The following NHSL1 variants were observed in gnomAD, a reference collection of about 807,000 sequenced individuals.
NHSL1 encodes NHS-like protein 1.
Under a neutral mutation model 95.0 loss-of-function variants are expected in NHSL1, and 48 were observed. That is an observed-to-expected ratio of 0.51 (90% confidence interval 0.40 to 0.64). The LOEUF is 0.64. Among genes scored for constraint, NHSL1 ranks in the 30% least tolerant of loss-of-function variants. The pLI, the probability that NHSL1 is intolerant of heterozygous loss-of-function variation, is 0.00. For synonymous variants in NHSL1, 783 were observed against 833.9 expected, an observed-to-expected ratio of 0.94 and a Z score of 1.05; for missense variants, 1,971 against 2,077.7, an observed-to-expected ratio of 0.95 and a Z score of 1.00.
At chr6:138,512,457 C>A in intron 1 of NHSL1, 1 of 334,066 alleles carries the variant, frequency 3.0e-6, no homozygotes, top group Non-Finnish European at 5.9e-6. Flanking sequence ...TTCGTTAATA[C>A]AATTCTAACT....
rs1780552398 is a variant in NHSL1 at position 138,499,396 on chromosome 6, T to C, written c.-106A>G. 4.7e-6 allele frequency: 7 copies of C among 1,498,060 alleles called. No homozygotes were observed. In the South Asian group the frequency reaches 8.9e-5, roughly 19 times the overall value. The allele number at this position is 1,498,060 out of a possible 1,614,324, so 92.8% of individuals were successfully genotyped here. ...TTCTGCTACAGATTCTAACTTTTTC[T>C]TCCCCCGGTCTCATATCCTTAGACA... On this transcript the variant is annotated 5_prime_UTR_variant, in exon 1 of 8. Transcript: ENST00000343505.
intron 1 of NHSL1, among the ~76,000 whole-genome samples, chr6:138,683,935 G>C (rs1470210894): frequency 6.6e-6 from 1 of 152,222 alleles, no homozygotes; most frequent in Non-Finnish European, 1.5e-5. Flanking sequence ...AAAGCACTGG[G>C]CACAGTGGCT....
rs1784065069 is a variant in NHSL1, at chr6:138,581,924, G to A, written c.97-85553C>T. Among the ~76,000 whole-genome samples the A allele has an allele frequency of 2.8e-5, 4 of 141,120 alleles. No individual in the cohort carries two copies. The Admixed American group carries it at 2.9e-4, about 10-fold the overall frequency. 92.6% of individuals were successfully genotyped at this position (141,120 alleles called of 152,430 possible). A position where few individuals can be genotyped will look rare whatever the true frequency, so the allele number is the denominator to read the frequency against. ...TTTTTTTTTTTTTTTTTGAGTCAGA[G>A]TCTTGCTCTGTTGCTTAGGCTGGAG... On this transcript the variant is annotated intron_variant, in intron 1 of 3. Transcript: ENST00000491526.
intron 1 of NHSL1, among the ~76,000 whole-genome samples, chr6:138,663,668 G>A (rs545724577): frequency 4.6e-5 from 7 of 151,858 alleles, no homozygotes; most frequent in East Asian, 1.9e-4. Context: ...TCAGGAGTTC[G>A]AGACCAGCCT....
intron 1 of NHSL1, among the ~76,000 whole-genome samples, chr6:138,679,355 C>G (rs1785484745): frequency 6.6e-6 from 1 of 152,100 alleles, no homozygotes; most frequent in Non-Finnish European, 1.5e-5. Flanking sequence ...GCATGCTGCT[C>G]AAGTAAAGAA....
In NHSL1 at chr6:138,623,283, G is replaced by A. The variant is rs186479350; in HGVS notation, c.96+69193C>T. 1.9e-4 allele frequency among the ~76,000 whole-genome samples: 29 copies of A among 152,312 alleles called. No individual in the cohort carries two copies. In the East Asian group the frequency reaches 5.6e-3, roughly 29 times the overall value. Reference sequence around the variant, plus strand: ...AGGGAGCTCTGCTCAGAAACTGAGAGGCAGGCAGGTAAATGACTGAAGGAG... The same window carrying A: ...AGGGAGCTCTGCTCAGAAACTGAGAAGCAGGCAGGTAAATGACTGAAGGAG... On this transcript the variant is annotated intron_variant, in intron 1 of 3. Transcript: ENST00000491526.
At chr6:138,496,093 T>C (rs952785299) in intron 2 of NHSL1, 126 bp downstream of exon 2, 9 of 1,032,902 alleles carry the variant, frequency 8.7e-6, no homozygotes, top group Non-Finnish European at 1.3e-5. Flanking sequence ...ATTTATGATA[T>C]CGTATAAAGA....
chr6:138,663,516 C>T (rs532799601), intron 1 of NHSL1, among the ~76,000 whole-genome samples: 5 of 147,184 alleles, frequency 3.4e-5, no homozygotes, highest in African/African-American at 7.6e-5. Context: ...ACCGCAATCA[C>T]GCCACTGCAG....
intron 4 of NHSL1, among the ~76,000 whole-genome samples, chr6:138,444,935 T>C (rs572756575): frequency 6.6e-6 from 1 of 152,198 alleles, no homozygotes; most frequent in Non-Finnish European, 1.5e-5. Context: ...TGTTAATCAC[T>C]CGATTAAAAG....
chr6:138,644,587 A>G (rs78156541), intron 1 of NHSL1, among the ~76,000 whole-genome samples: 8,700 of 152,292 alleles, frequency 0.057, 259 homozygotes, highest in South Asian at 0.076. Context: ...CATAAAACAT[A>G]CAAATAAAAC....
chr6:138,438,836 T>C (rs1056465778), intron 5 of NHSL1, among the ~76,000 whole-genome samples: 3 of 152,142 alleles, frequency 2.0e-5, no homozygotes, highest in East Asian at 3.8e-4. Context: ...TGAGGCCTTT[T>C]CTGCTTAGAG....
chr6:138,439,533 C>A (rs1179483872), intron 5 of NHSL1, among the ~76,000 whole-genome samples: 1 of 152,170 alleles, frequency 6.6e-6, no homozygotes, highest in Non-Finnish European at 1.5e-5. Flanking sequence ...AAGGACAGAA[C>A]AAATAAATAT....
upstream of NHSL1, among the ~76,000 whole-genome samples, chr6:138,547,479 C>T (rs987084608): frequency 9.2e-5 from 14 of 152,204 alleles, no homozygotes; most frequent in Admixed American, 7.2e-4. Context: ...CTCCCAGGTT[C>T]TCGCCATTCT....
intron 1 of NHSL1, among the ~76,000 whole-genome samples, chr6:138,507,350 T>C (rs1781014158): frequency 6.6e-6 from 1 of 152,220 alleles, no homozygotes; most frequent in African/African-American, 2.4e-5. Context: ...AAGTGGGACA[T>C]TATGCTGATC....
chr6:138,562,861 G>A (rs956176925), intron 1 of NHSL1, among the ~76,000 whole-genome samples: 11 of 151,770 alleles, frequency 7.2e-5, no homozygotes, highest in Admixed American at 2.0e-4. Flanking sequence ...ATACGGCTTC[G>A]ACCGAGTATT....
At chr6:138,466,003 C>T (rs878930052) in intron 3 of NHSL1, among the ~76,000 whole-genome samples, 7 of 146,356 alleles carry the variant, frequency 4.8e-5, no homozygotes, top group African/African-American at 1.3e-4. Flanking sequence ...GGATTACAGG[C>T]GTGTGCCACT....
At chr6:138,664,456 C>A (rs1383949119) in intron 1 of NHSL1, among the ~76,000 whole-genome samples, 1 of 152,132 alleles carries the variant, frequency 6.6e-6, no homozygotes, top group Non-Finnish European at 1.5e-5. Context: ...GAGGTACACA[C>A]AGAGCACTAC....
Position 138,432,202 on chromosome 6 carries a change from T to C in NHSL1, c.2143A>G (p.Lys715Glu). Reference sequence around the variant, plus strand: ...CTCTGGGAGGGCGAGCTGCCACTCTTGCCTGGGAGGCTCAGCTGCAGCGAG... The same window carrying C: ...CTCTGGGAGGGCGAGCTGCCACTCTCGCCTGGGAGGCTCAGCTGCAGCGAG... ...QHSLQLSLPG[K>E]SGSSPSQSPC... The change falls in exon 6 of 8, where the codon AAG becomes GAG. Residue 715 changes from lysine (K) to glutamate (E), a missense_variant. Around this residue, in one of 3 missense-constraint regions of NHSL1, gnomAD observed 1,602 missense variants for 1,654.5 expected, o/e 0.97. Transcript: ENST00000343505. The surrounding 1 kb of genome is among the most constrained non-coding windows in gnomAD (Gnocchi z 4.4). The C allele has an allele frequency of 1.9e-6, 3 of 1,546,686 alleles. No homozygotes were observed. Among genetic ancestry groups the C allele is most frequent in the Non-Finnish European group, 1.7e-6 (2 of 1,144,116 alleles).
At chr6:138,595,009 A>G (rs1325609973) in intron 1 of NHSL1, among the ~76,000 whole-genome samples, 1 of 152,176 alleles carries the variant, frequency 6.6e-6, no homozygotes, top group African/African-American at 2.4e-5. Flanking sequence ...ACATTTCACT[A>G]TATGTCTTGG....
Sources: allele counts gnomAD v4.1 joint callset (sites outside exome capture counted in the v4.1 genomes callset), GRCh38; gene constraint gnomAD v4.1.1; regional missense constraint gnomAD v4.1.1; non-coding constraint Gnocchi (gnomAD v3.1); transcripts MANE v1.5; gene names NCBI Gene and HGNC (gene_info 2026-07-23, HGNC 2026-07-21).